DNPEP: variants seen among roughly 807,000 people sequenced by gnomAD.
DNPEP encodes the protein aspartyl aminopeptidase.
A neutral mutation model predicts 59.1 loss-of-function variants in DNPEP; 46 were observed. The ratio of observed to expected loss-of-function variants is 0.78; its 90% CI spans 0.61 to 0.99. The LOEUF (loss-of-function observed/expected upper bound fraction) is 0.99. Among genes scored for constraint, DNPEP ranks in the 50% least tolerant of loss-of-function variants. The probability of loss-of-function intolerance (pLI) is 0.00; values close to 1 mark genes in which losing one functional copy is unlikely to be tolerated. For missense variants in DNPEP, 617 were observed against 649.9 expected, an observed-to-expected ratio of 0.95 and a Z score of 0.55; for synonymous variants, 229 against 242.2, an observed-to-expected ratio of 0.95 and a Z score of 0.50.
At chr2:219,377,341 A>G (rs1360903820) in intron 13 of DNPEP, among the ~76,000 whole-genome samples, 1 of 148,766 alleles carries the variant, frequency 6.7e-6, no homozygotes, top group East Asian at 2.0e-4. Context: ...TAGAAATTCC[A>G]GTTGATAGGA....
At chr2:219,385,594 C>T in intron 7 of DNPEP, 37 bp downstream of exon 7, 1 of 1,606,740 alleles carries the variant, frequency 6.2e-7, no homozygotes, top group South Asian at 1.1e-5. Flanking sequence ...TCTCAGGGGA[C>T]TCTGCCGCCC....
At position 219,386,694 on chromosome 2, in the gene DNPEP, C is replaced by T. The variant is rs765499069; in HGVS notation, c.304G>A (p.Gly102Arg). 2.5e-6 allele frequency: 4 copies of T among 1,612,640 alleles called. No individual in the cohort carries two copies. In the East Asian group the frequency reaches 6.7e-5, roughly 27 times the overall value. Residue 102 changes from glycine (G) to arginine (R), a missense_variant, in exon 4 of 15, where the codon GGG becomes AGG. Transcript: ENST00000273075. ...YVPGNGFSLI[G>R]AHTDSPCLRV... ...AGGCAGGGGCTGTCCGTGTGGGCCC[C>T]GATGAGGCTGAAGCCATTGCCAGGA...
At position 219,372,444 on chromosome 2, in the gene DNPEP, C is replaced by T. The variant is rs541364950; in HGVS notation, c.*1848G>A. ...GCAGTGGCTCAATCTTGGCTCACTG[C>T]AGCCTCTGCCTCCCTGGCTCAAGCT... is the stretch of plus-strand genomic sequence containing the variant. On this transcript the variant is annotated 3_prime_UTR_variant, in exon 15 of 15. Transcript: ENST00000273075. Among the ~76,000 whole-genome samples the T allele has an allele frequency of 6.6e-6, 1 of 152,248 alleles. No individual in the cohort carries two copies. Among genetic ancestry groups the T allele is most frequent in the East Asian group, 1.9e-4 (1 of 5,184 alleles).
intron 1 of DNPEP, among the ~76,000 whole-genome samples, chr2:219,395,042 A>G (rs1575001571): frequency 6.6e-6 from 1 of 150,988 alleles, no homozygotes; most frequent in East Asian, 2.0e-4. Context: ...TGCAACCTCC[A>G]CCTCCTGTGT....
At chr2:219,388,708 C>T, upstream of DNPEP, 4 of 985,684 alleles carry the variant, frequency 4.1e-6, no homozygotes, top group Non-Finnish European at 4.8e-6. Flanking sequence ...TCACCGGGTC[C>T]GACGGGTACG....
chr2:219,395,276 A>G (rs1045189156), intron 1 of DNPEP, among the ~76,000 whole-genome samples: 2 of 152,136 alleles, frequency 1.3e-5, no homozygotes, highest in African/African-American at 4.8e-5. Flanking sequence ...GAGAACTTAC[A>G]TACAAGATGG....
rs1415829085 is a variant in DNPEP, at chr2:219,373,648, A to T, written c.*644T>A. The T allele has an allele frequency of 6.6e-6, 1 of 152,298 alleles. No individual in the cohort carries two copies. The highest frequency in any genetic ancestry group is 1.5e-5 in the Non-Finnish European group (1 of 68,110). 9.4% of individuals were successfully genotyped at this position (152,298 alleles called of 1,614,324 possible). ...CCAAAATGCTGGGAATACAGATGTG[A>T]GCCGCTGCACCCGGCCAGACTTTGA... On this transcript the variant is annotated 3_prime_UTR_variant, in exon 15 of 15. Coordinates refer to ENST00000273075, the MANE Select transcript of DNPEP (RefSeq NM_012100.4).
intron 13 of DNPEP, among the ~76,000 whole-genome samples, chr2:219,380,842 T>TACACACACACACTCACACACACACACAC (rs144730504): frequency 8.8e-4 from 128 of 145,784 alleles, no homozygotes; most frequent in African/African-American, 3.1e-3. Flanking sequence ...CATATATATG[T>TACACACACACACTCACACACACACACAC]ACACACACAC....
chr2:219,381,383 T>G lies in DNPEP; in HGVS notation c.1191A>C (p.Ser397=). Residue 397 remains serine, a synonymous_variant, in exon 13 of 15, where the codon TCA becomes TCC. Transcript: ENST00000273075. ...TGGCCACCTCTCGGATCAGGGCCTC[T>G]GACACCGCGTTTGAAGCATAGCGTT... ...SKQRYASNAV[S]EALIREVANK... is the part of the protein sequence containing the mutation. The G allele has an allele frequency of 6.2e-7, 1 of 1,614,248 alleles. No homozygotes were observed. Among genetic ancestry groups the G allele is most frequent in the Non-Finnish European group, 8.5e-7 (1 of 1,180,038 alleles).
chr2:219,397,613 A>G lies in DNPEP; in HGVS notation c.-158+2327T>C, dbSNP rs902809829. On this transcript the variant is annotated intron_variant, in intron 1 of 6. Transcript: ENST00000434339. ...ACGGACACTGTGCAAAAACAATTGG[A>G]TATGTGAGATTATATATAGTTCAGA... 2.6e-5 allele frequency among the ~76,000 whole-genome samples: 4 copies of G among 152,318 alleles called. No individual in the cohort carries two copies. In the East Asian group the frequency reaches 7.7e-4, roughly 29 times the overall value.
In DNPEP at chr2:219,374,896, C is replaced by T. The variant is rs1470627889; in HGVS notation, c.1366G>A (p.Ala456Thr). 1 of 1,614,068 alleles carries T rather than the reference C, an allele frequency of 6.2e-7. No homozygotes were observed. The highest frequency in any genetic ancestry group is 8.5e-7 in the Non-Finnish European group (1 of 1,180,038). The part of the protein sequence containing the change: ...QLAMHSIREM[A>T]CTTGVLQTLT... Reference sequence around the variant, plus strand: ...GTCTGGAGGACTCCTGTGGTGCAGGCCATCTCCCGGATAGAGTGCATGGCC... The same window carrying T: ...GTCTGGAGGACTCCTGTGGTGCAGGTCATCTCCCGGATAGAGTGCATGGCC... Residue 456 changes from alanine (A) to threonine (T), a missense_variant, in exon 14 of 15, where the codon GCC becomes ACC. Physicochemically the swap from Ala to Thr is moderately conservative, Grantham distance 58 (BLOSUM62 0). Coordinates refer to ENST00000273075, the MANE Select transcript of DNPEP (RefSeq NM_012100.4).
intron 9 of DNPEP, among the ~76,000 whole-genome samples, chr2:219,384,112 C>A (rs939026540): frequency 6.6e-6 from 1 of 152,226 alleles, no homozygotes; most frequent in African/African-American, 2.4e-5. Context: ...GACAAGAGAC[C>A]ATGGTGCCTG....
At chr2:219,377,328 CT>C (rs2125127497) in intron 13 of DNPEP, among the ~76,000 whole-genome samples, 1 of 130,260 alleles carries the variant, frequency 7.7e-6, no homozygotes, top group African/African-American at 2.8e-5. Context: ...TCCATCAAGT[CT>C]TTAGAAATTC....
At chr2:219,381,519 C>A in intron 12 of DNPEP, 26 bp downstream of exon 12, 2 of 1,614,044 alleles carry the variant, frequency 1.2e-6, no homozygotes, top group Non-Finnish European at 1.7e-6. Flanking sequence ...ACCTCCAAGT[C>A]CCTAGGGAGA....
chr2:219,385,836 A>G, intron 6 of DNPEP, 130 bp from the exon 7 acceptor site: 1 of 1,454,932 alleles, frequency 6.9e-7, no homozygotes, highest in Non-Finnish European at 9.3e-7. Flanking sequence ...CCCAAATCAC[A>G]AGGCTGTGAG....
In DNPEP at chr2:219,381,357, T is replaced by C. The variant is rs764022356; in HGVS notation, c.1217A>G (p.Asn406Ser). Residue 406 changes from asparagine to serine, a missense_variant, in exon 13 of 15, where the codon AAC becomes AGC. Transcript: ENST00000273075. ...CACCTGCAGGGGGACCTTGACTTTG[T>C]TGGCCACCTCTCGGATCAGGGCCTC... The part of the protein sequence containing the change: ...VSEALIREVA[N>S]KVKVPLQDLM... The C allele has an allele frequency of 1.9e-6, 3 of 1,614,114 alleles. No homozygotes were observed. Among genetic ancestry groups the C allele is most frequent in the South Asian group, 2.2e-5 (2 of 91,080 alleles).
At chr2:219,374,492 T>G in intron 14 of DNPEP, 150 bp from the exon 15 acceptor site, 1 of 713,524 alleles carries the variant, frequency 1.4e-6, no homozygotes, top group Non-Finnish European at 2.4e-6. Flanking sequence ...TCAGCCCTGA[T>G]CCCCTCTTCC....
At chr2:219,374,620 G>A (rs1168845654) in intron 14 of DNPEP, among the ~76,000 whole-genome samples, 1 of 152,066 alleles carries the variant, frequency 6.6e-6, no homozygotes, top group African/African-American at 2.4e-5. Context: ...TGTTGCTCAG[G>A]CTGGTCTCAA....
rs143141028 is a variant in DNPEP at position 219,397,717 on chromosome 2, T to C, written c.-158+2223A>G. Among the ~76,000 whole-genome samples, 863 of 152,188 alleles carry C rather than the reference T, an allele frequency of 5.7e-3. 38 individuals carry two copies. Among genetic ancestry groups the C allele is most frequent in the Admixed American group, 0.055 (847 of 15,292 alleles). On this transcript the variant is annotated intron_variant, in intron 1 of 6. Transcript: ENST00000434339. The stretch of plus-strand genomic sequence containing the variant: ...CTATTTAAAGTCATGAGATTGGAGA[T>C]TAGCAAGGGTTACAGGCATGTGCCA...
Sources: allele counts gnomAD v4.1 joint callset (sites outside exome capture counted in the v4.1 genomes callset), GRCh38; gene constraint gnomAD v4.1.1; transcripts MANE v1.5; gene names NCBI Gene and HGNC (gene_info 2026-07-23, HGNC 2026-07-21).